GFRAL: variants seen among roughly 807,000 people sequenced by gnomAD.
The protein encoded by GFRAL is GDNF family receptor alpha-like.
In GFRAL, 36 loss-of-function variants were observed where a neutral mutation model predicts 45.4. The ratio of observed to expected loss-of-function variants is 0.79; its 90% CI spans 0.61 to 1.05. The LOEUF is 1.05. Ranked by LOEUF, GFRAL falls within the 50% of genes least tolerant of loss-of-function variation. GFRAL has a pLI of 0.00. For synonymous variants in GFRAL, 166 were observed against 154.1 expected (o/e 1.08, Z -0.57); for missense variants, 507 against 467.5 (o/e 1.08, Z -0.78).
chr6:55,355,949 T>G (rs532075706), intron 5 of GFRAL, among the ~76,000 whole-genome samples: 3 of 151,998 alleles, frequency 2.0e-5, no homozygotes, highest in Non-Finnish European at 4.4e-5. Context: ...GTAGAGAACT[T>G]TAGCAAATGC....
At chr6:55,336,033 C>A (rs938877883) in intron 3 of GFRAL, among the ~76,000 whole-genome samples, 1 of 152,270 alleles carries the variant, frequency 6.6e-6, no homozygotes, top group South Asian at 2.1e-4. Flanking sequence ...CAGCCTCTAC[C>A]TCCTGGGTTC....
At chr6:55,342,576 C>T (rs187237451) in intron 3 of GFRAL, among the ~76,000 whole-genome samples, 3 of 152,078 alleles carry the variant, frequency 2.0e-5, no homozygotes, top group Non-Finnish European at 4.4e-5. Context: ...AAACTCATGC[C>T]AAATTGTAAA....
intron 6 of GFRAL, among the ~76,000 whole-genome samples, chr6:55,381,459 T>G (rs1397325402): frequency 6.6e-6 from 1 of 151,916 alleles, no homozygotes; most frequent in Admixed American, 6.6e-5. Context: ...TTTATTTGGC[T>G]GCATTTCATC....
chr6:55,333,512 A>C (rs1239506371), intron 2 of GFRAL, among the ~76,000 whole-genome samples: 1 of 152,182 alleles, frequency 6.6e-6, no homozygotes, highest in Non-Finnish European at 1.5e-5. Flanking sequence ...GAGTAGCCTT[A>C]TTTTTACTGA....
At chr6:55,394,894 G>A (rs1378254747) in intron 6 of GFRAL, among the ~76,000 whole-genome samples, 1 of 151,890 alleles carries the variant, frequency 6.6e-6, no homozygotes. Flanking sequence ...AGGAAAGATA[G>A]GAATGAGAGA....
At chr6:55,392,816 A>G (rs1323924306) in intron 6 of GFRAL, among the ~76,000 whole-genome samples, 1 of 152,138 alleles carries the variant, frequency 6.6e-6, no homozygotes, top group Non-Finnish European at 1.5e-5. Flanking sequence ...TGCACAACAA[A>G]CTTCCATGAC....
chr6:55,383,163 G>A (rs1325143922), intron 6 of GFRAL, among the ~76,000 whole-genome samples: 1 of 151,938 alleles, frequency 6.6e-6, no homozygotes, highest in Admixed American at 6.6e-5. Flanking sequence ...GATTCATTAG[G>A]TCTGGGGTAG....
Position 55,327,560 on chromosome 6 carries a change from A to G in GFRAL, c.6A>G (p.Ile2Met). The change falls in exon 1 of 9, where the codon ATA becomes ATG. Residue 2 changes from isoleucine to methionine, a missense_variant. Physicochemically the swap from Ile to Met is conservative, Grantham distance 10. Coordinates refer to ENST00000340465, the MANE Select transcript of GFRAL (RefSeq NM_207410.2). MIVFIFLAMGLS... is the reference protein window; with the variant it reads MMVFIFLAMGLS... ...ACTGCCGTGAGTTGTCCAGCATGAT[A>G]GTGTTTATTTTCTTGGGTAAGTGAA... 1.2e-6 allele frequency: 2 copies of G among 1,612,908 alleles called. No homozygotes were observed. Among genetic ancestry groups the G allele is most frequent in the Non-Finnish European group, 8.5e-7 (1 of 1,179,164 alleles).
intron 6 of GFRAL, among the ~76,000 whole-genome samples, chr6:55,388,053 C>G (rs547796356): frequency 6.6e-6 from 1 of 152,300 alleles, no homozygotes; most frequent in East Asian, 1.9e-4. Context: ...TCCCCACTGT[C>G]TCTGTCCTTT....
At chr6:55,354,003 A>T (rs534232813) in intron 5 of GFRAL, among the ~76,000 whole-genome samples, 10 of 152,162 alleles carry the variant, frequency 6.6e-5, no homozygotes, top group African/African-American at 2.4e-4. Flanking sequence ...CCATGGTTTC[A>T]ATAGCAAAAT....
intron 3 of GFRAL, among the ~76,000 whole-genome samples, chr6:55,341,184 G>A (rs116435350): frequency 3.4e-3 from 521 of 152,226 alleles, no homozygotes; most frequent in African/African-American, 0.012. Flanking sequence ...AGTGGTTCTC[G>A]CAGCACAGAG....
At chr6:55,329,187 C>G (rs2127348984) in intron 1 of GFRAL, among the ~76,000 whole-genome samples, 1 of 152,006 alleles carries the variant, frequency 6.6e-6, no homozygotes, top group East Asian at 1.9e-4. Flanking sequence ...TTCTTGTGGA[C>G]CAAATCATTG....
intron 1 of GFRAL, among the ~76,000 whole-genome samples, 181 bp from the exon 2 acceptor site, chr6:55,331,534 A>C (rs185437386): frequency 6.6e-6 from 1 of 152,296 alleles, no homozygotes; most frequent in Non-Finnish European, 1.5e-5. Context: ...TATTCATTTA[A>C]GAATCTATAA....
chr6:55,361,385 A>T (rs925281671), intron 6 of GFRAL, among the ~76,000 whole-genome samples: 3 of 152,020 alleles, frequency 2.0e-5, no homozygotes, highest in African/African-American at 4.8e-5. Flanking sequence ...ACCTATGTAT[A>T]TCCTCCCATA....
rs1386750020 is a variant in GFRAL at position 55,359,139 on chromosome 6, G to A, written c.952+1G>A. 2 of 1,591,304 alleles carry A rather than the reference G, an allele frequency of 1.3e-6. No individual in the cohort carries two copies. Among genetic ancestry groups the A allele is most frequent in the Non-Finnish European group, 1.7e-6 (2 of 1,167,888 alleles). Reference sequence around the variant, plus strand: ...ATGCTTCATAGAAAATCATGTTTCAGTAAGTTCCCCAAATAAAATTATCTG... The same window carrying A: ...ATGCTTCATAGAAAATCATGTTTCAATAAGTTCCCCAAATAAAATTATCTG... On this transcript the variant is annotated splice_donor_variant, in intron 6 of 8. Coordinates refer to ENST00000340465, the MANE Select transcript of GFRAL (RefSeq NM_207410.2). LOFTEE classifies it high-confidence loss of function.
intron 3 of GFRAL, among the ~76,000 whole-genome samples, chr6:55,342,862 G>A (rs1767987821): frequency 6.6e-6 from 1 of 152,040 alleles, no homozygotes; most frequent in Non-Finnish European, 1.5e-5. Context: ...ACAAAAAAAG[G>A]CAGGGGTTGC....
intron 6 of GFRAL, among the ~76,000 whole-genome samples, chr6:55,383,201 A>G (rs192426286): frequency 6.6e-6 from 1 of 152,126 alleles, no homozygotes; most frequent in Admixed American, 6.6e-5. Flanking sequence ...TCTACAAGCA[A>G]CTAGGTGAGG....
chr6:55,394,990 C>T (rs958055990), intron 6 of GFRAL, among the ~76,000 whole-genome samples: 3 of 151,828 alleles, frequency 2.0e-5, no homozygotes, highest in Admixed American at 1.3e-4. Flanking sequence ...CTTCTACTCT[C>T]ACTACAATTG....
intron 3 of GFRAL, among the ~76,000 whole-genome samples, chr6:55,343,323 C>T (rs1256760540): frequency 1.3e-5 from 2 of 152,212 alleles, no homozygotes; most frequent in African/African-American, 4.8e-5. Context: ...TTATAACAAA[C>T]TGTCTCTCAG....
Sources: allele counts gnomAD v4.1 joint callset (sites outside exome capture counted in the v4.1 genomes callset), GRCh38; gene constraint gnomAD v4.1.1; transcripts MANE v1.5; gene names NCBI Gene and HGNC (gene_info 2026-07-23, HGNC 2026-07-21).